Variants in SFT2D1 observed in about 807,000 individuals in gnomAD.
The protein encoded by SFT2D1 is vesicle transport protein SFT2A.
In SFT2D1, 24 loss-of-function variants were observed where a neutral mutation model predicts 28.1. The ratio of observed to expected loss-of-function variants is 0.85; its 90% CI spans 0.62 to 1.20. SFT2D1 has a LOEUF of 1.20. Among genes scored for constraint, SFT2D1 ranks in the 50% most tolerant of loss-of-function variants. The probability of loss-of-function intolerance (pLI) is 0.00; values close to 1 mark genes in which losing one functional copy is unlikely to be tolerated. For synonymous variants in SFT2D1, 82 were observed against 73.7 expected (o/e 1.11, Z -0.58); for missense variants, 181 against 190.9 (o/e 0.95, Z 0.31).
chr6:166,323,125 TAAA>T (rs1033904967), intron 6 of SFT2D1: 22 of 419,184 alleles, frequency 5.2e-5, no homozygotes, highest in African/African-American at 3.6e-4. Flanking sequence ...ACCTGCACTT[TAAA>T]CAAACTCTCT....
At chr6:166,331,444 T>A (rs1344294434) in intron 1 of SFT2D1, 1 of 152,676 alleles carries the variant, frequency 6.5e-6, no homozygotes, top group African/African-American at 2.4e-5. Context: ...AATAACTAAG[T>A]ATTCTGTAAT....
At chr6:166,325,276 T>TA (rs577661916) in intron 5 of SFT2D1, among the ~76,000 whole-genome samples, 78 of 148,230 alleles carry the variant, frequency 5.3e-4, no homozygotes, top group South Asian at 3.6e-3. Flanking sequence ...ATCATCAAAA[T>TA]AAAAAAAAAA....
intron 6 of SFT2D1, chr6:166,323,567 A>G (rs987940146): frequency 7.2e-5 from 11 of 152,284 alleles, no homozygotes; most frequent in Non-Finnish European, 2.9e-5. Flanking sequence ...GGCACGTTTA[A>G]TCAACCACCC....
At chr6:166,332,515 A>C (rs1387586331) in intron 1 of SFT2D1, among the ~76,000 whole-genome samples, 1 of 152,220 alleles carries the variant, frequency 6.6e-6, no homozygotes, top group African/African-American at 2.4e-5. Flanking sequence ...TCGGTCTCCC[A>C]AAGTGCTGGA....
chr6:166,336,489 T>G (rs1313614710), intron 1 of SFT2D1, among the ~76,000 whole-genome samples: 1 of 152,186 alleles, frequency 6.6e-6, no homozygotes, highest in Non-Finnish European at 1.5e-5. Flanking sequence ...CACTGTAGAC[T>G]GGGTAGCTTA....
intron 6 of SFT2D1, chr6:166,324,282 T>G: frequency 2.7e-6 from 1 of 377,006 alleles, no homozygotes; most frequent in Non-Finnish European, 4.7e-6. Context: ...TTTCTCTTTC[T>G]CACATTAGAA....
At chr6:166,329,358 T>C (rs1455990827) in intron 3 of SFT2D1, 149 bp downstream of exon 3, 1 of 616,164 alleles carries the variant, frequency 1.6e-6, no homozygotes, top group South Asian at 2.8e-5. Context: ...ACAGCAGCAG[T>C]CAATACATAT....
intron 7 of SFT2D1, among the ~76,000 whole-genome samples, chr6:166,322,414 G>A (rs550501685): frequency 2.0e-4 from 31 of 152,064 alleles, no homozygotes; most frequent in African/African-American, 5.8e-4. Context: ...GTTTACTGCC[G>A]GGCGCGGTGG....
intron 1 of SFT2D1, among the ~76,000 whole-genome samples, chr6:166,333,527 C>A (rs777070921): frequency 1.3e-5 from 2 of 152,212 alleles, no homozygotes; most frequent in Non-Finnish European, 2.9e-5. Flanking sequence ...AACTCCTCAT[C>A]CGGCCCTTCT....
chr6:166,325,054 A>AC (rs1778418362), intron 5 of SFT2D1, among the ~76,000 whole-genome samples: 1 of 152,174 alleles, frequency 6.6e-6, no homozygotes, highest in African/African-American at 2.4e-5. Flanking sequence ...AATAATATAA[A>AC]CAGTTTCCAT....
intron 5 of SFT2D1, 166 bp from the exon 6 acceptor site, chr6:166,324,761 C>A (rs962766319): frequency 3.2e-6 from 2 of 626,254 alleles, no homozygotes; most frequent in African/African-American, 1.8e-5. Flanking sequence ...AACTTTAAAA[C>A]CCAAAAAATA....
At chr6:166,333,683 A>AG (rs1156266464) in intron 1 of SFT2D1, among the ~76,000 whole-genome samples, 5 of 152,168 alleles carry the variant, frequency 3.3e-5, no homozygotes, top group African/African-American at 7.2e-5. Flanking sequence ...GGCACAGGGC[A>AG]GGGGGGTCCT....
chr6:166,338,558 A>G (rs1562447720), intron 1 of SFT2D1, among the ~76,000 whole-genome samples: 1 of 152,006 alleles, frequency 6.6e-6, no homozygotes, highest in East Asian at 1.9e-4. Flanking sequence ...CAACTCTGAA[A>G]AGAGCCAGGA....
intron 1 of SFT2D1, among the ~76,000 whole-genome samples, chr6:166,341,448 T>A (rs78324750): frequency 7.8e-6 from 1 of 128,492 alleles, no homozygotes; most frequent in Non-Finnish European, 1.6e-5. Context: ...AGACTCCATC[T>A]AAAAAAAAAA....
intron 1 of SFT2D1, among the ~76,000 whole-genome samples, chr6:166,332,804 T>C (rs927104127): frequency 1.3e-5 from 2 of 152,256 alleles, no homozygotes; most frequent in Admixed American, 6.5e-5. Flanking sequence ...ACAGCACTGC[T>C]TGCAACTAGA....
intron 5 of SFT2D1, 143 bp from the exon 6 acceptor site, chr6:166,324,738 A>C: frequency 1.3e-6 from 1 of 768,020 alleles, no homozygotes; most frequent in Non-Finnish European, 2.0e-6. Context: ...AATTTAAGAT[A>C]CAGTTGATCT....
intron 4 of SFT2D1, among the ~76,000 whole-genome samples, chr6:166,327,265 G>A (rs1778462826): frequency 1.3e-5 from 2 of 152,164 alleles, no homozygotes; most frequent in African/African-American, 2.4e-5. Context: ...CAGACCAGGT[G>A]AGTTAGGAGG....
At chr6:166,320,375 T>C in intron 7 of SFT2D1, 119 bp from the exon 8 acceptor site, 1 of 717,432 alleles carries the variant, frequency 1.4e-6, no homozygotes, top group Non-Finnish European at 2.3e-6. Flanking sequence ...CAACACACTT[T>C]TTGATTAATA....
intron 1 of SFT2D1, chr6:166,335,094 CTG>C (rs1328936337): frequency 6.9e-6 from 4 of 575,914 alleles, no homozygotes; most frequent in Non-Finnish European, 1.3e-5. Context: ...ATGGCCAAAA[CTG>C]TGAAGTTAGG....
Sources: allele counts gnomAD v4.1 joint callset (sites outside exome capture counted in the v4.1 genomes callset), GRCh38; gene constraint gnomAD v4.1.1; transcripts MANE v1.5; gene names NCBI Gene and HGNC (gene_info 2026-07-23, HGNC 2026-07-21).